TTBK1: variants seen among roughly 807,000 people sequenced by gnomAD.
TTBK1 encodes tau tubulin kinase 1, also known as tau-tubulin kinase 1.
A neutral mutation model predicts 108.5 loss-of-function variants in TTBK1; 34 were observed. The observed-to-expected ratio is 0.31, with a 90% CI of 0.24 to 0.42. TTBK1 has a LOEUF of 0.42. TTBK1 is among the 10% of genes least tolerant of loss of function. TTBK1 has a pLI of 1.00. For synonymous variants in TTBK1, 809 were observed against 795.1 expected, an observed-to-expected ratio of 1.02 and a Z score of -0.29; for missense variants, 1,539 against 1,826.0, an observed-to-expected ratio of 0.84 and a Z score of 2.86.
intron 2 of TTBK1, among the ~76,000 whole-genome samples, chr6:43,247,148 C>T (rs2150679671): frequency 6.6e-6 from 1 of 152,066 alleles, no homozygotes; most frequent in African/African-American, 2.4e-5. Flanking sequence ...AGCATGTGTC[C>T]CTCCGCTTCC....
chr6:43,246,438 T>G (rs536783017), intron 1 of TTBK1, among the ~76,000 whole-genome samples, 169 bp from the exon 2 acceptor site: 1 of 152,364 alleles, frequency 6.6e-6, no homozygotes, highest in East Asian at 1.9e-4. Flanking sequence ...TTGTAGTCTG[T>G]ATCTCCCTTG....
rs202006573 is a variant in TTBK1 at position 43,253,387 on chromosome 6, C to T, written c.330+23C>T. The stretch of plus-strand genomic sequence containing the variant: ...CAGGTGAGTCCCCGTGGCCCATCCT[C>T]GCTCCCCTCTCTAAGAGCTTGGGCT... On this transcript the variant is annotated intron_variant, in intron 4 of 14. Coordinates refer to ENST00000259750, the MANE Select transcript of TTBK1 (RefSeq NM_032538.3). The surrounding 1 kb of genome is among the most constrained non-coding windows in gnomAD (Gnocchi z 5.8). 25 of 1,613,202 alleles carry T rather than the reference C, an allele frequency of 1.5e-5. No homozygotes were observed. In the East Asian group the frequency reaches 2.0e-4, roughly 13 times the overall value.
intron 13 of TTBK1, chr6:43,271,648 G>A: frequency 3.0e-6 from 3 of 985,344 alleles, no homozygotes; most frequent in Non-Finnish European, 3.6e-6. Context: ...GCAGTGCCCT[G>A]GAGCCAAACT....
At position 43,265,200 on chromosome 6, in the gene TTBK1, G is replaced by A. The variant is rs193034343; in HGVS notation, c.1986+1850G>A. On this transcript the variant is annotated intron_variant, in intron 13 of 14. Coordinates refer to ENST00000259750, the MANE Select transcript of TTBK1 (RefSeq NM_032538.3). This position sits in a 1 kb window ranked among gnomAD's most constrained non-coding sequence, Gnocchi z 4.1. ...TCCACATAGTGGTCCCACATTGGGG[G>A]CGTACACTCTAGGTGGCTCTGGGAG... is the stretch of plus-strand genomic sequence containing the variant. Among the ~76,000 whole-genome samples, 3 of 152,338 alleles carry A rather than the reference G, an allele frequency of 2.0e-5. No individual in the cohort carries two copies. Among genetic ancestry groups the A allele is most frequent in the African/African-American group, 4.8e-5 (2 of 41,580 alleles).
chr6:43,246,859 CT>C, intron 2 of TTBK1, 91 bp downstream of exon 2: 1 of 1,006,722 alleles, frequency 9.9e-7, no homozygotes, highest in Non-Finnish European at 1.5e-6. Flanking sequence ...CTCCGCTCCC[CT>C]ACCCTAAGAG....
chr6:43,247,293 T>C (rs896300316), intron 2 of TTBK1, among the ~76,000 whole-genome samples: 2 of 152,032 alleles, frequency 1.3e-5, no homozygotes, highest in Admixed American at 1.3e-4. Flanking sequence ...CGAGACTCCA[T>C]CTCCCGGCGT....
At chr6:43,249,328 G>T (rs186816385) in intron 2 of TTBK1, among the ~76,000 whole-genome samples, 5 of 152,238 alleles carry the variant, frequency 3.3e-5, no homozygotes, top group Admixed American at 2.6e-4. Context: ...AGTTTAGGGA[G>T]GTCCTTCAGC....
In TTBK1 at chr6:43,286,800, GCA is replaced by G. The variant is rs142441895; in HGVS notation, c.*1428_*1429del. ...CAACTGCCTACATCTGGGGCAAGCA[GCA>G]CACCGGCTGCAGATGGGACAGCCAG... On this transcript the variant is annotated 3_prime_UTR_variant, in exon 15 of 15. Coordinates refer to ENST00000259750, the MANE Select transcript of TTBK1 (RefSeq NM_032538.3). This position sits in a 1 kb window ranked among gnomAD's most constrained non-coding sequence, Gnocchi z 4.6. 9.2e-5 allele frequency: 14 copies of G among 152,524 alleles called. No individual in the cohort carries two copies. The highest frequency in any genetic ancestry group is 3.4e-4 in the African/African-American group (14 of 41,570). The allele number at this position is 152,524 out of a possible 1,614,324, so 9.4% of individuals were successfully genotyped here.
In TTBK1 at chr6:43,283,693, C is replaced by A; in HGVS notation, c.2953C>A (p.Leu985Met). The change falls in exon 14 of 15, where the codon CTG (leucine) becomes ATG (methionine). Residue 985 changes from leucine (L) to methionine (M), a missense_variant. Leu to Met is a conservative substitution (Grantham distance 15). Around this residue, in one of 5 missense-constraint regions of TTBK1, gnomAD observed 1,055 missense variants for 1,086.5 expected, o/e 0.97. Transcript: ENST00000259750. This position sits in a 1 kb window ranked among gnomAD's most constrained non-coding sequence, Gnocchi z 8.1. ...AGCGCCCCTGGAGAACGGCCTCGCC[C>A]TGTCAGGGCTGAATGGGGCTGAGAT... Reference protein sequence around the residue: ...ARAPLENGLALSGLNGAEIEG... With the variant: ...ARAPLENGLAMSGLNGAEIEG... 6.2e-7 allele frequency: 1 copy of A among 1,613,954 alleles called. No homozygotes were observed.
rs1265773306 is a variant in TTBK1, at chr6:43,276,367, G to C, written c.1987-6360G>C. ...CTCCTTAGTGTACATAGCGGCGTCG[G>C]GGGGTGGCCCCAGGCCCGGGTAGAA... On this transcript the variant is annotated intron_variant, in intron 13 of 14. Transcript: ENST00000259750. This position sits in a 1 kb window ranked among gnomAD's most constrained non-coding sequence, Gnocchi z 5.4. Among the ~76,000 whole-genome samples the C allele has an allele frequency of 6.6e-6, 1 of 152,100 alleles. No individual in the cohort carries two copies. The highest frequency in any genetic ancestry group is 1.5e-5 in the Non-Finnish European group (1 of 68,014).
intron 2 of TTBK1, among the ~76,000 whole-genome samples, chr6:43,251,939 T>A (rs1035663657): frequency 1.3e-5 from 2 of 152,118 alleles, no homozygotes; most frequent in African/African-American, 4.8e-5. Flanking sequence ...TGGTTGCCAA[T>A]CCCAGGAAGT....
intron 13 of TTBK1, among the ~76,000 whole-genome samples, chr6:43,281,756 T>C (rs542298542): frequency 6.6e-6 from 1 of 152,316 alleles, no homozygotes; most frequent in South Asian, 2.1e-4. Flanking sequence ...AGCAAAGTGC[T>C]GGACATCGTC....
At chr6:43,277,950 T>C (rs2841660) in intron 13 of TTBK1, among the ~76,000 whole-genome samples, 73,609 of 152,026 alleles carry the variant, frequency 0.48, 20,859 homozygotes, top group African/African-American at 0.8. Flanking sequence ...GGCACAAGCC[T>C]CCGACCTCAG....
intron 14 of TTBK1, 72 bp from the exon 15 acceptor site, chr6:43,284,911 G>T: frequency 1.4e-6 from 2 of 1,452,700 alleles, no homozygotes; most frequent in South Asian, 1.4e-5. Flanking sequence ...GTGCCCAGGA[G>T]GATTCTGAAA....
chr6:43,271,186 G>C (rs577220434), intron 13 of TTBK1: 2 of 985,518 alleles, frequency 2.0e-6, no homozygotes, highest in East Asian at 2.3e-4. Context: ...TGCCTGTATG[G>C]GGAGGGGAGG....
At chr6:43,272,421 T>C in intron 13 of TTBK1, 1 of 985,428 alleles carries the variant, frequency 1.0e-6, no homozygotes, top group Non-Finnish European at 1.2e-6. Flanking sequence ...CCAACGCCTT[T>C]GGAAGTGGGA....
In TTBK1 at chr6:43,282,822, T is replaced by G. The variant is rs771190520; in HGVS notation, c.2082T>G (p.Asp694Glu). Residue 694 changes from aspartate (D) to glutamate (E), a missense_variant, in exon 14 of 15, where the codon GAT (aspartate) becomes GAG (glutamate). Asp to Glu is a conservative substitution (Grantham distance 45, BLOSUM62 2). Coordinates refer to ENST00000259750, the MANE Select transcript of TTBK1 (RefSeq NM_032538.3). This position sits in a 1 kb window ranked among gnomAD's most constrained non-coding sequence, Gnocchi z 5.4. ...PYQDFKRDLS[D>E]YRERARLLNR... ...AGGACTTCAAAAGAGACCTCTCCGA[T>G]TACCGAGAACGGGCGCGGTTGCTCA... The G allele has an allele frequency of 6.2e-7, 1 of 1,613,994 alleles. No individual in the cohort carries two copies. Among genetic ancestry groups the G allele is most frequent in the Non-Finnish European group, 8.5e-7 (1 of 1,179,986 alleles).
At position 43,286,986 on chromosome 6, in the gene TTBK1, G is replaced by C. The variant is rs1044596805; in HGVS notation, c.*1610G>C. The stretch of plus-strand genomic sequence containing the variant: ...GGCTGCGTCCAGCCACCATCACCCG[G>C]AAGGATGCCCACAAGGCAGCTGACC... On this transcript the variant is annotated 3_prime_UTR_variant, in exon 15 of 15. Transcript: ENST00000259750. The surrounding 1 kb of genome is among the most constrained non-coding windows in gnomAD (Gnocchi z 4.6). 2 of 152,698 alleles carry C rather than the reference G, an allele frequency of 1.3e-5. No homozygotes were observed. The allele number at this position is 152,698 out of a possible 1,614,324, so 9.5% of individuals were successfully genotyped here.
chr6:43,257,747 GC>G lies in TTBK1; in HGVS notation c.862-61del. On this transcript the variant is annotated intron_variant, in intron 9 of 14. Transcript: ENST00000259750. This position sits in a 1 kb window ranked among gnomAD's most constrained non-coding sequence, Gnocchi z 4.5. ...TCTTCCTCCTATGATCCCAGCAACT[GC>G]CCCTTCCTCCTGGCTAGCCCCCGGA... 6.5e-7 allele frequency: 1 copy of G among 1,536,136 alleles called. No individual in the cohort carries two copies. Among genetic ancestry groups the G allele is most frequent in the Non-Finnish European group, 8.9e-7 (1 of 1,128,128 alleles).
Sources: allele counts gnomAD v4.1 joint callset (sites outside exome capture counted in the v4.1 genomes callset), GRCh38; gene constraint gnomAD v4.1.1; regional missense constraint gnomAD v4.1.1; non-coding constraint Gnocchi (gnomAD v3.1); transcripts MANE v1.5; gene names NCBI Gene and HGNC (gene_info 2026-07-23, HGNC 2026-07-21).